MEF2B: variants seen among roughly 807,000 people sequenced by gnomAD.
The protein encoded by MEF2B is myocyte-specific enhancer factor 2B.
Under a neutral mutation model 32.2 loss-of-function variants are expected in MEF2B, and 15 were observed. The observed-to-expected ratio is 0.47, with a 90% CI of 0.31 to 0.72. MEF2B has a LOEUF of 0.72. Among genes scored for constraint, MEF2B ranks in the 30% least tolerant of loss-of-function variants. The pLI is 0.05. For missense variants in MEF2B, 441 were observed against 511.5 expected (o/e 0.86, Z 1.33); for synonymous variants, 205 against 225.6 (o/e 0.91, Z 0.82).
chr19:19,150,893 G>A, intron 1 of MEF2B, 129 bp from the exon 2 acceptor site: 1 of 1,190,610 alleles, frequency 8.4e-7, no homozygotes, highest in African/African-American at 1.5e-5. Context: ...AATCAAGGCA[G>A]GCTGGGTCAC....
At position 19,147,190 on chromosome 19, in the gene MEF2B, G is replaced by A. The variant is rs1297639187; in HGVS notation, c.394-7C>T. On this transcript the variant is annotated splice_region_variant and splice_polypyrimidine_tract_variant and intron_variant, in intron 4 of 8. Transcript: ENST00000424583. ...GCATAGCAGGAGCTGCAGGCTGTGG[G>A]TAGAGAAGGGATGGGTCAGAGGACC... The A allele has an allele frequency of 1.9e-6, 3 of 1,566,098 alleles. No homozygotes were observed. Among genetic ancestry groups the A allele is most frequent in the African/African-American group, 1.4e-5 (1 of 73,608 alleles).
chr19:19,146,658 G>C lies in MEF2B; in HGVS notation c.676-10C>G. Reference sequence around the variant, plus strand: ...CACTGTAGAGGCTTCTCTGTGCGGAGAGAGGGTGAAGGGGAAACTGAGGCC... The same window carrying C: ...CACTGTAGAGGCTTCTCTGTGCGGACAGAGGGTGAAGGGGAAACTGAGGCC... On this transcript the variant is annotated splice_polypyrimidine_tract_variant and intron_variant, in intron 6 of 8. Transcript: ENST00000424583. 6.2e-7 allele frequency: 1 copy of C among 1,613,434 alleles called. No individual in the cohort carries two copies. The highest frequency in any genetic ancestry group is 8.5e-7 in the Non-Finnish European group (1 of 1,179,734).
chr19:19,165,031 C>T (rs185293615), intron 1 of MEF2B, among the ~76,000 whole-genome samples: 2 of 152,276 alleles, frequency 1.3e-5, no homozygotes, highest in African/African-American at 4.8e-5. Flanking sequence ...CCCGGCAGCC[C>T]GAAGATGCAG....
intron 1 of MEF2B, among the ~76,000 whole-genome samples, chr19:19,158,484 A>G (rs1289003631): frequency 7.0e-6 from 1 of 143,828 alleles, no homozygotes; most frequent in African/African-American, 2.5e-5. Context: ...CAGGCCAGGC[A>G]CGGTGGCTCA....
intron 1 of MEF2B, among the ~76,000 whole-genome samples, chr19:19,159,338 G>C (rs1270234767): frequency 6.6e-6 from 1 of 151,262 alleles, no homozygotes; most frequent in Non-Finnish European, 1.5e-5. Context: ...GGAGGATCAC[G>C]TGAGCCCAGG....
chr19:19,168,253 T>A (rs2146389130), intron 1 of MEF2B, among the ~76,000 whole-genome samples: 1 of 151,454 alleles, frequency 6.6e-6, no homozygotes, highest in Admixed American at 6.6e-5. Flanking sequence ...TTGATTATTG[T>A]TTTGTTTCTT....
chr19:19,150,909 C>T, intron 1 of MEF2B, 145 bp from the exon 2 acceptor site: 1 of 964,712 alleles, frequency 1.0e-6, no homozygotes, highest in Non-Finnish European at 1.6e-6. Flanking sequence ...GTCACTGTCG[C>T]AGACCCCGCC....
chr19:19,145,911 G>A lies in MEF2B; in HGVS notation c.993C>T (p.Gly331=), dbSNP rs570770864. The change falls in exon 9 of 9, where the codon GGC becomes GGT. Residue 331 remains glycine, a synonymous_variant. Transcript: ENST00000424583. This position sits in a 1 kb window ranked among gnomAD's most constrained non-coding sequence, Gnocchi z 4.6. ...GATAGGGGAAGGTCTTAGGAAAGTC[G>A]CCGGGGCCCCCGGGGGCCGGAGAGA... ...ERLSPAPGGP[G]DFPKTFPYPL... The A allele has an allele frequency of 6.2e-6, 9 of 1,443,072 alleles. No individual in the cohort carries two copies. The African/African-American group carries it at 1.3e-4, about 21-fold the overall frequency. 89.4% of individuals were successfully genotyped at this position (1,443,072 alleles called of 1,614,324 possible).
chr19:19,164,718 G>A (rs950501632), intron 1 of MEF2B, among the ~76,000 whole-genome samples: 1 of 152,216 alleles, frequency 6.6e-6, no homozygotes, highest in African/African-American at 2.4e-5. Flanking sequence ...GGAGGCTGAG[G>A]CAGGAGAATC....
chr19:19,152,441 C>G (rs2060091213), intron 1 of MEF2B, among the ~76,000 whole-genome samples: 1 of 150,994 alleles, frequency 6.6e-6, no homozygotes, highest in Non-Finnish European at 1.5e-5. Flanking sequence ...CGTGGTAGCT[C>G]ATGCCTGTAA....
intron 1 of MEF2B, among the ~76,000 whole-genome samples, chr19:19,163,248 C>T (rs747688336): frequency 2.6e-4 from 39 of 151,942 alleles, no homozygotes; most frequent in African/African-American, 6.3e-4. Flanking sequence ...CTGGCCCTCC[C>T]GGACTCAAGC....
intron 5 of MEF2B, 40 bp downstream of exon 5, chr19:19,146,996 C>T: frequency 6.4e-7 from 1 of 1,563,552 alleles, no homozygotes; most frequent in Non-Finnish European, 8.7e-7. Context: ...CCCAAACAGC[C>T]CCTCAGGACC....
At position 19,147,689 on chromosome 19, in the gene MEF2B, G is replaced by T; in HGVS notation, c.393+9C>A. 1 of 1,612,366 alleles carries T rather than the reference G, an allele frequency of 6.2e-7. No homozygotes were observed. Among genetic ancestry groups the T allele is most frequent in the African/African-American group, 1.3e-5 (1 of 75,048 alleles). On this transcript the variant is annotated intron_variant, in intron 4 of 8. Transcript: ENST00000424583. ...AATGCCTCATTCACAGGGCCAGGGA[G>T]TCACTTACATACAGCCGGGGTCGGG... is the stretch of plus-strand genomic sequence containing the variant.
intron 1 of MEF2B, among the ~76,000 whole-genome samples, chr19:19,154,998 C>T (rs1489355602): frequency 2.0e-5 from 3 of 152,170 alleles, no homozygotes; most frequent in Non-Finnish European, 2.9e-5. Context: ...ACTCTGGAGG[C>T]AGGCCTGACA....
intron 3 of MEF2B, 89 bp downstream of exon 3, chr19:19,149,135 ACT>A: frequency 6.8e-7 from 1 of 1,480,246 alleles, no homozygotes; most frequent in Non-Finnish European, 9.2e-7. Flanking sequence ...AGATGAAGAC[ACT>A]CATCTTTTGT....
chr19:19,152,599 G>C (rs772504221), intron 1 of MEF2B, among the ~76,000 whole-genome samples: 3 of 152,196 alleles, frequency 2.0e-5, no homozygotes, highest in Non-Finnish European at 4.4e-5. Flanking sequence ...AGCTACTCAG[G>C]ATGCTGAGGC....
Position 19,146,347 on chromosome 19 carries a change from C to T in MEF2B, c.807G>A (p.Leu269=), listed in dbSNP as rs1428488448. 8.7e-7 allele frequency: 1 copy of T among 1,145,748 alleles called. No individual in the cohort carries two copies. The highest frequency in any genetic ancestry group is 1.2e-6 in the Non-Finnish European group (1 of 861,112). 71.0% of individuals were successfully genotyped at this position (1,145,748 alleles called of 1,614,324 possible). ...GLGDPPPPPG[L]LQPPTLAPWQ... ...AGGGGGCCAGGGTGGGGGGCTGCAA[C>T]AAGCCAGGGGGCGGTGGAGGGTCTC... The change falls in exon 8 of 9, where the codon TTG becomes TTA. Residue 269 remains leucine (L), a synonymous_variant. Coordinates refer to ENST00000424583, the MANE Select transcript of MEF2B (RefSeq NM_001145785.2).
intron 1 of MEF2B, among the ~76,000 whole-genome samples, chr19:19,162,664 G>C (rs1310300271): frequency 1.3e-5 from 2 of 152,220 alleles, no homozygotes; most frequent in East Asian, 1.9e-4. Flanking sequence ...CCCTGGGCCT[G>C]CTCCTGGGAG....
chr19:19,150,190 A>G (rs1308558559), intron 2 of MEF2B, among the ~76,000 whole-genome samples: 1 of 128,080 alleles, frequency 7.8e-6, no homozygotes, highest in Admixed American at 7.7e-5. Flanking sequence ...GAGGGAAGGA[A>G]GGAAGGAAGG....
Sources: allele counts gnomAD v4.1 joint callset (sites outside exome capture counted in the v4.1 genomes callset), GRCh38; gene constraint gnomAD v4.1.1; non-coding constraint Gnocchi (gnomAD v3.1); transcripts MANE v1.5; gene names NCBI Gene and HGNC (gene_info 2026-07-23, HGNC 2026-07-21).